The following GNA12 variants were observed in gnomAD, a reference collection of about 807,000 sequenced individuals.
GNA12 encodes G protein subunit alpha 12.
GNA12 carries 9 observed loss-of-function variants against 26.0 expected under a neutral mutation model. That is an observed-to-expected ratio of 0.35 (90% CI 0.21 to 0.60). GNA12 has a LOEUF of 0.60. Among genes scored for constraint, GNA12 ranks in the 20% least tolerant of loss-of-function variants. GNA12 has a pLI of 0.78. For missense variants in GNA12, 405 were observed against 525.8 expected (o/e 0.77, Z 2.25); for synonymous variants, 264 against 219.6 (o/e 1.20, Z -1.79).
chr7:2,806,175 C>T (rs1266405768), intron 1 of GNA12, among the ~76,000 whole-genome samples: 1 of 152,136 alleles, frequency 6.6e-6, no homozygotes, highest in Non-Finnish European at 1.5e-5. Context: ...TGTAGGATAA[C>T]ATATCTAAAA....
At chr7:2,812,366 A>G (rs1793101344) in intron 1 of GNA12, among the ~76,000 whole-genome samples, 2 of 152,196 alleles carry the variant, frequency 1.3e-5, no homozygotes, top group African/African-American at 2.4e-5. Context: ...GCGGTGGCTC[A>G]CGCCTGTAAT....
At chr7:2,818,135 G>T (rs1311993703) in intron 1 of GNA12, among the ~76,000 whole-genome samples, 1 of 152,194 alleles carries the variant, frequency 6.6e-6, no homozygotes, top group Non-Finnish European at 1.5e-5. Flanking sequence ...TGTAGGTTCT[G>T]GGGGGAGTCA....
intron 2 of GNA12, among the ~76,000 whole-genome samples, chr7:2,789,201 T>A (rs1426465355): frequency 4.0e-5 from 5 of 126,476 alleles, no homozygotes; most frequent in Non-Finnish European, 8.1e-5. Context: ...AGTGGCGGGA[T>A]CTCGGCTCAC....
chr7:2,746,941 C>T (rs1790792910), intron 2 of GNA12, among the ~76,000 whole-genome samples: 1 of 152,202 alleles, frequency 6.6e-6, no homozygotes, highest in Non-Finnish European at 1.5e-5. Flanking sequence ...AATTCCTCGA[C>T]ACATACATCC....
intron 2 of GNA12, among the ~76,000 whole-genome samples, chr7:2,752,051 A>C (rs1310837835): frequency 6.6e-6 from 1 of 152,234 alleles, no homozygotes; most frequent in Non-Finnish European, 1.5e-5. Context: ...TCAAAAAAGA[A>C]AAATTACAGA....
chr7:2,805,162 A>G (rs1792914511), intron 1 of GNA12, among the ~76,000 whole-genome samples: 1 of 152,234 alleles, frequency 6.6e-6, no homozygotes, highest in Non-Finnish European at 1.5e-5. Context: ...GCAGACATGC[A>G]TAAAATTCAT....
chr7:2,739,051 G>GT (rs749603203), intron 2 of GNA12, among the ~76,000 whole-genome samples: 3 of 152,224 alleles, frequency 2.0e-5, no homozygotes, highest in South Asian at 2.1e-4. Flanking sequence ...CTCTACAACT[G>GT]TAAGCTCAGG....
At chr7:2,759,070 G>A (rs966707745) in intron 2 of GNA12, among the ~76,000 whole-genome samples, 2 of 151,650 alleles carry the variant, frequency 1.3e-5, no homozygotes, top group Admixed American at 6.6e-5. Context: ...AACCCAGGGG[G>A]CGGAGGTTGC....
chr7:2,799,385 G>A (rs1310021890), intron 1 of GNA12, among the ~76,000 whole-genome samples: 1 of 152,158 alleles, frequency 6.6e-6, no homozygotes. Flanking sequence ...TTCGAGACCA[G>A]CCTGGGCAAC....
intron 2 of GNA12, among the ~76,000 whole-genome samples, chr7:2,768,693 A>G (rs13310756): frequency 1.3e-5 from 2 of 151,664 alleles, no homozygotes; most frequent in South Asian, 2.1e-4. Flanking sequence ...AAAACAAAAA[A>G]AAAAACAGTA....
chr7:2,756,427 A>G (rs1791298879), intron 2 of GNA12, among the ~76,000 whole-genome samples: 1 of 152,160 alleles, frequency 6.6e-6, no homozygotes, highest in South Asian at 2.1e-4. Flanking sequence ...AGCCTGGGCA[A>G]TAGAGTGAGA....
intron 2 of GNA12, among the ~76,000 whole-genome samples, chr7:2,757,188 T>G (rs1359473588): frequency 7.6e-6 from 1 of 131,076 alleles, no homozygotes; most frequent in African/African-American, 2.9e-5. Flanking sequence ...CAGGCTGGAG[T>G]GTAGTGGCAC....
At chr7:2,791,969 T>C (rs1157647806) in intron 2 of GNA12, among the ~76,000 whole-genome samples, 1 of 152,068 alleles carries the variant, frequency 6.6e-6, no homozygotes, top group Non-Finnish European at 1.5e-5. Flanking sequence ...CTGCATCTGA[T>C]TATTACAGAC....
intron 2 of GNA12, among the ~76,000 whole-genome samples, chr7:2,765,716 C>T (rs1455484142): frequency 2.6e-5 from 4 of 152,040 alleles, no homozygotes; most frequent in African/African-American, 4.8e-5. Flanking sequence ...CCACAACCTC[C>T]GCCTCCTGGG....
intron 1 of GNA12, among the ~76,000 whole-genome samples, chr7:2,828,595 G>T (rs970357729): frequency 6.6e-6 from 1 of 152,234 alleles, no homozygotes; most frequent in African/African-American, 2.4e-5. Flanking sequence ...GCAGGTGGCT[G>T]CCCCCAAGTC....
chr7:2,816,732 C>G (rs1793227207), intron 1 of GNA12, among the ~76,000 whole-genome samples: 1 of 152,154 alleles, frequency 6.6e-6, no homozygotes, highest in African/African-American at 2.4e-5. Flanking sequence ...AGCTAACATT[C>G]ACTGAACACC....
At chr7:2,827,690 C>T (rs976088389) in intron 1 of GNA12, among the ~76,000 whole-genome samples, 8 of 152,012 alleles carry the variant, frequency 5.3e-5, no homozygotes, top group East Asian at 3.9e-4. Context: ...GATGGCAGGA[C>T]CAATGTCAGA....
intron 2 of GNA12, among the ~76,000 whole-genome samples, chr7:2,786,176 C>G (rs149795248): frequency 0.01 from 1,577 of 152,196 alleles, 12 homozygotes; most frequent in Non-Finnish European, 0.015. Flanking sequence ...GTACTACATG[C>G]ACACGCTCAC....
chr7:2,745,529 T>A (rs138754602), intron 2 of GNA12, among the ~76,000 whole-genome samples: 3,590 of 152,160 alleles, frequency 0.024, 100 homozygotes, highest in Middle Eastern at 0.075. Flanking sequence ...GTGCTAAACA[T>A]GGAAAGGAGC....
Sources: allele counts gnomAD v4.1 joint callset (sites outside exome capture counted in the v4.1 genomes callset), GRCh38; gene constraint gnomAD v4.1.1; transcripts MANE v1.5; gene names NCBI Gene and HGNC (gene_info 2026-07-23, HGNC 2026-07-21).